ZC3H12B: variants seen among roughly 807,000 people sequenced by gnomAD.
The protein encoded by ZC3H12B is probable ribonuclease ZC3H12B.
In ZC3H12B, 7 loss-of-function variants were observed where a neutral mutation model predicts 43.9. The observed-to-expected ratio is 0.16, with a 90% CI of 0.09 to 0.30. The LOEUF is 0.30. ZC3H12B is among the 10% of genes least tolerant of loss of function. The pLI, the probability that ZC3H12B is intolerant of heterozygous loss-of-function variation, is 1.00. For missense variants in ZC3H12B, 475 were observed against 670.2 expected (o/e 0.71, Z 3.22); for synonymous variants, 222 against 241.7 (o/e 0.92, Z 0.76).
At chrX:65,175,178 C>A in the ZC3H12B span, among the ~76,000 whole-genome samples, 1 of 111,592 alleles carries the variant, frequency 9.0e-6, no homozygotes, top group Admixed American at 9.5e-5. Context: ...GACACCCCAC[C>A]CTGCTTCTGC....
chrX:65,116,360 G>C, the ZC3H12B span, among the ~76,000 whole-genome samples: 1 of 110,864 alleles, frequency 9.0e-6, no homozygotes, highest in Non-Finnish European at 1.9e-5. Context: ...TTGGATGTAA[G>C]TATTTGGGTT....
intron 3 of ZC3H12B, among the ~76,000 whole-genome samples, chrX:65,406,497 G>A (rs1331277309): frequency 1.9e-5 from 2 of 103,171 alleles, no homozygotes; most frequent in Non-Finnish European, 4.0e-5. Context: ...GGGATAGAAA[G>A]AACATACCTC....
chrX:65,170,326 G>A, the ZC3H12B span, among the ~76,000 whole-genome samples: 1 of 111,694 alleles, frequency 9.0e-6, no homozygotes, highest in East Asian at 2.8e-4. Context: ...ATTCTGGGTT[G>A]AAAATTATTT....
the ZC3H12B span, among the ~76,000 whole-genome samples, chrX:65,348,624 A>T: frequency 9.2e-6 from 1 of 109,272 alleles, no homozygotes; most frequent in East Asian, 2.9e-4. Context: ...ACCCATCGAC[A>T]TGCAAAGACA....
chrX:65,245,430 A>G, the ZC3H12B span, among the ~76,000 whole-genome samples: 1 of 111,731 alleles, frequency 9.0e-6, no homozygotes, highest in South Asian at 3.7e-4. Context: ...ACATAAATGC[A>G]AAAATCCTTT....
the ZC3H12B span, among the ~76,000 whole-genome samples, chrX:65,206,435 G>C: frequency 9.0e-6 from 1 of 111,591 alleles, no homozygotes; most frequent in Non-Finnish European, 1.9e-5. Context: ...TCAACAAATG[G>C]TGCTTGGATA....
chrX:65,192,286 G>T, the ZC3H12B span, among the ~76,000 whole-genome samples: 95 of 111,518 alleles, frequency 8.5e-4, no homozygotes, highest in African/African-American at 2.9e-3. Context: ...TGTTGATTTG[G>T]GGTGGATCAA....
chrX:65,446,376 C>G (rs1276269620), intron 3 of ZC3H12B, among the ~76,000 whole-genome samples: 2 of 111,772 alleles, frequency 1.8e-5, no homozygotes, highest in African/African-American at 3.3e-5. Flanking sequence ...TCACATGCAT[C>G]CAAAATCCAC....
At chrX:65,296,421 G>A in the ZC3H12B span, among the ~76,000 whole-genome samples, 1 of 110,180 alleles carries the variant, frequency 9.1e-6, no homozygotes, top group African/African-American at 3.3e-5. Flanking sequence ...TCAGGTGATG[G>A]GTGCACCAAA....
At chrX:65,194,802 G>C in the ZC3H12B span, among the ~76,000 whole-genome samples, 1 of 112,125 alleles carries the variant, frequency 8.9e-6, no homozygotes, top group Non-Finnish European at 1.9e-5. Context: ...ATTGTTGCCT[G>C]TCACTTTAGC....
chrX:65,390,312 A>G (rs1443185879), intron 2 of ZC3H12B, among the ~76,000 whole-genome samples: 2 of 110,922 alleles, frequency 1.8e-5, no homozygotes, highest in Admixed American at 1.9e-4. Context: ...GTAAATGATG[A>G]GTTAATGGGT....
At chrX:65,050,315 A>AT in the ZC3H12B span, among the ~76,000 whole-genome samples, 1 of 110,660 alleles carries the variant, frequency 9.0e-6, no homozygotes, top group Non-Finnish European at 1.9e-5. Flanking sequence ...AGTCTTTAGG[A>AT]TTTTTTATAT....
the ZC3H12B span, among the ~76,000 whole-genome samples, chrX:65,143,729 A>ATT: frequency 1.9e-3 from 193 of 102,028 alleles, 2 homozygotes; most frequent in Middle Eastern, 0.01. Flanking sequence ...TGCCCAGCTA[A>ATT]TTTTTTTTTT....
intron 1 of ZC3H12B, among the ~76,000 whole-genome samples, chrX:65,496,310 A>C (rs971395010): frequency 1.8e-5 from 2 of 112,280 alleles, no homozygotes; most frequent in Non-Finnish European, 3.8e-5. Flanking sequence ...ATTTATGTGC[A>C]TATCTTTTTT....
chrX:65,236,398 GT>G, the ZC3H12B span, among the ~76,000 whole-genome samples: 1 of 111,565 alleles, frequency 9.0e-6, no homozygotes, highest in Non-Finnish European at 1.9e-5. Flanking sequence ...AAATGGGGTT[GT>G]TTTTTTCTTT....
the ZC3H12B span, among the ~76,000 whole-genome samples, chrX:65,103,173 C>A: frequency 9.0e-6 from 1 of 111,389 alleles, no homozygotes; most frequent in Admixed American, 9.5e-5. Context: ...CCCTTATCTG[C>A]AACTGTATAA....
At chrX:65,480,081 C>T (rs1192071900) in intron 3 of ZC3H12B, among the ~76,000 whole-genome samples, 1 of 112,592 alleles carries the variant, frequency 8.9e-6, no homozygotes, top group East Asian at 2.8e-4. Context: ...TAACAGAATT[C>T]TGGAAAAGTT....
the ZC3H12B span, among the ~76,000 whole-genome samples, chrX:65,230,170 T>C: frequency 4.5e-5 from 5 of 111,378 alleles, no homozygotes; most frequent in African/African-American, 1.6e-4. Flanking sequence ...ATTAAGAAAA[T>C]GTGGCTCATA....
the ZC3H12B span, among the ~76,000 whole-genome samples, chrX:65,089,246 G>A: frequency 9.0e-6 from 1 of 111,436 alleles, no homozygotes; most frequent in Non-Finnish European, 1.9e-5. Flanking sequence ...AACCTAGATG[G>A]TATAGCCTAC....
Sources: gnomAD v4.1 joint callset for allele counts (sites outside exome capture counted in the v4.1 genomes callset) on GRCh38, gnomAD v4.1.1 for gene constraint, MANE v1.5 for transcripts, NCBI Gene and HGNC (gene_info 2026-07-23, HGNC 2026-07-21) for gene names.